DLG2: variants seen among roughly 807,000 people sequenced by gnomAD.
DLG2 encodes the protein disks large homolog 2.
A neutral mutation model predicts 132.5 loss-of-function variants in DLG2; 45 were observed. The ratio of observed to expected loss-of-function variants is 0.34; its 90% CI spans 0.27 to 0.44. The LOEUF (loss-of-function observed/expected upper bound fraction) is 0.44, where lower values mean the gene tolerates loss of function less well. Ranked by LOEUF, DLG2 falls within the 20% of genes least tolerant of loss-of-function variation. The pLI, the probability that DLG2 is intolerant of heterozygous loss-of-function variation, is 1.00. For synonymous variants in DLG2, 424 were observed against 419.6 expected (o/e 1.01, Z -0.13); for missense variants, 1,045 against 1,196.9 (o/e 0.87, Z 1.87).
intron 6 of DLG2, among the ~76,000 whole-genome samples, chr11:85,108,548 G>A (rs1053670009): frequency 7.4e-5 from 6 of 81,100 alleles, no homozygotes; most frequent in East Asian, 3.0e-3. Flanking sequence ...AGAGTTAACC[G>A]CCCATTTTTT....
chr11:84,671,265 A>AT (rs1244298024), intron 6 of DLG2, among the ~76,000 whole-genome samples: 1 of 151,796 alleles, frequency 6.6e-6, no homozygotes, highest in Non-Finnish European at 1.5e-5. Context: ...TGCCCGGCTT[A>AT]TTTTTTTAAA....
chr11:84,935,891 T>A (rs550362605), intron 6 of DLG2, among the ~76,000 whole-genome samples: 1 of 152,246 alleles, frequency 6.6e-6, no homozygotes, highest in African/African-American at 2.4e-5. Flanking sequence ...AAAACCTCCC[T>A]GACTTTTGTC....
At chr11:83,945,806 C>CTGTGTG (rs56913664) in intron 14 of DLG2, among the ~76,000 whole-genome samples, 14,049 of 136,130 alleles carry the variant, frequency 0.1, 808 homozygotes, top group East Asian at 0.17. Flanking sequence ...AGAAATGCCT[C>CTGTGTG]TGTGTGTGTG....
chr11:83,912,531 C>G (rs574605809), intron 15 of DLG2, among the ~76,000 whole-genome samples: 1 of 152,026 alleles, frequency 6.6e-6, no homozygotes, highest in African/African-American at 2.4e-5. Flanking sequence ...GTGGCAGGAA[C>G]GATTTTAATG....
At chr11:85,240,991 A>G (rs2075849909) in intron 4 of DLG2, among the ~76,000 whole-genome samples, 1 of 151,746 alleles carries the variant, frequency 6.6e-6, no homozygotes, top group Non-Finnish European at 1.5e-5. Flanking sequence ...TTAAATAAAG[A>G]TACATTTGGA....
At chr11:84,506,345 G>A (rs1434636353) in intron 7 of DLG2, among the ~76,000 whole-genome samples, 5 of 152,014 alleles carry the variant, frequency 3.3e-5, no homozygotes, top group African/African-American at 1.2e-4. Context: ...AAAGTGCTGG[G>A]ATTACAGGCG....
intron 9 of DLG2, among the ~76,000 whole-genome samples, chr11:84,148,554 G>GT (rs949167923): frequency 5.3e-5 from 8 of 151,894 alleles, no homozygotes; most frequent in African/African-American, 9.7e-5. Flanking sequence ...AAAGGATATG[G>GT]TTTTTTTATG....
At chr11:84,765,916 C>G (rs1280609326) in intron 6 of DLG2, among the ~76,000 whole-genome samples, 1 of 151,778 alleles carries the variant, frequency 6.6e-6, no homozygotes, top group African/African-American at 2.4e-5. Flanking sequence ...TGCTGTTTTC[C>G]CAAACTTTAA....
At chr11:85,085,023 C>CA (rs2067731966) in intron 6 of DLG2, among the ~76,000 whole-genome samples, 1 of 152,148 alleles carries the variant, frequency 6.6e-6, no homozygotes, top group South Asian at 2.1e-4. Context: ...CTACCACTCA[C>CA]ACTTTGTATA....
intron 7 of DLG2, among the ~76,000 whole-genome samples, chr11:84,415,118 G>C (rs1023342716): frequency 6.6e-6 from 1 of 152,146 alleles, no homozygotes; most frequent in Non-Finnish European, 1.5e-5. Flanking sequence ...AAGGCAAACA[G>C]CTTTTATTTA....
rs72957784 is a variant in DLG2, at chr11:85,021,190, C to A, written c.357+90471G>T. 1.5e-5 allele frequency: 15 copies of A among 1,032,784 alleles called. No individual in the cohort carries two copies. The Admixed American group carries it at 1.7e-4, about 12-fold the overall frequency. 64.0% of individuals were successfully genotyped at this position (1,032,784 alleles called of 1,614,324 possible). ...AGAATTGAAGCCAGCTTTTTCCCTTCGTGAGTTGTTTCCTGATACACACTG... is the reference window on the plus strand; with the variant it reads ...AGAATTGAAGCCAGCTTTTTCCCTTAGTGAGTTGTTTCCTGATACACACTG... On this transcript the variant is annotated intron_variant, in intron 6 of 27. Transcript: ENST00000376104.
chr11:83,483,342 G>C, intron 22 of DLG2: 1 of 1,505,626 alleles, frequency 6.6e-7, no homozygotes, highest in Non-Finnish European at 9.2e-7. Context: ...AGGAAGAACA[G>C]CCACGGAAGA....
chr11:84,491,297 T>C (rs753314488), intron 7 of DLG2, among the ~76,000 whole-genome samples: 4 of 151,982 alleles, frequency 2.6e-5, no homozygotes. Flanking sequence ...TCTCATAAGA[T>C]CTGATGGTTA....
intron 11 of DLG2, among the ~76,000 whole-genome samples, chr11:84,029,618 G>A (rs1465618499): frequency 2.6e-5 from 4 of 152,052 alleles, no homozygotes; most frequent in African/African-American, 9.7e-5. Flanking sequence ...TATTTGAGAA[G>A]CAATAATAAT....
intron 3 of DLG2, among the ~76,000 whole-genome samples, chr11:85,414,634 A>G (rs1373271917): frequency 6.6e-6 from 1 of 151,884 alleles, no homozygotes; most frequent in East Asian, 1.9e-4. Flanking sequence ...GTATAGTTTT[A>G]ATACATTGTT....
rs1229411770 is a variant in DLG2 at position 84,692,271 on chromosome 11, C to T, written c.358-157540G>A. Among the ~76,000 whole-genome samples the T allele has an allele frequency of 2.0e-5, 3 of 151,868 alleles. No individual in the cohort carries two copies. In the East Asian group the frequency reaches 5.8e-4, roughly 30 times the overall value. On this transcript the variant is annotated intron_variant, in intron 6 of 27. Transcript: ENST00000376104. ...CAAGCTTTAAATTTAGCATGGTATG[C>T]TAAGCATATTACCTTTTCAAGCTAT... is the stretch of plus-strand genomic sequence containing the variant.
chr11:84,106,836 TG>T, intron 9 of DLG2, among the ~76,000 whole-genome samples: 1 of 140,862 alleles, frequency 7.1e-6, no homozygotes, highest in African/African-American at 2.7e-5. Flanking sequence ...TGTGTGTGTG[TG>T]TGTGTTTGAG....
intron 7 of DLG2, among the ~76,000 whole-genome samples, chr11:84,302,773 C>G (rs1243590893): frequency 6.6e-6 from 1 of 152,104 alleles, no homozygotes; most frequent in Non-Finnish European, 1.5e-5. Context: ...TGATTAACTA[C>G]TAGTTTTTAT....
intron 3 of DLG2, among the ~76,000 whole-genome samples, chr11:85,325,411 A>G (rs1236713325): frequency 6.0e-4 from 88 of 146,642 alleles, no homozygotes; most frequent in African/African-American, 1.6e-3. Flanking sequence ...CTCCCAGCAC[A>G]CAGCTGGAGA....
Sources: gnomAD v4.1 joint callset for allele counts (sites outside exome capture counted in the v4.1 genomes callset) on GRCh38, gnomAD v4.1.1 for gene constraint, MANE v1.5 for transcripts, NCBI Gene and HGNC (gene_info 2026-07-23, HGNC 2026-07-21) for gene names.